The following DHX29 variants were observed in gnomAD, a reference collection of about 807,000 sequenced individuals.
DHX29 encodes DExH-box helicase 29.
A neutral mutation model predicts 167.9 loss-of-function variants in DHX29; 79 were observed. The observed-to-expected ratio is 0.47, with a 90% CI of 0.39 to 0.57. The LOEUF (loss-of-function observed/expected upper bound fraction) is 0.57, where lower values mean the gene tolerates loss of function less well. Among genes scored for constraint, DHX29 ranks in the 20% least tolerant of loss-of-function variants. DHX29 has a pLI of 0.00. For synonymous variants in DHX29, 530 were observed against 546.0 expected (o/e 0.97, Z 0.41); for missense variants, 1,347 against 1,593.4 (o/e 0.85, Z 2.63).
intron 14 of DHX29, 60 bp downstream of exon 14, chr5:55,276,206 T>C (rs775529744): frequency 1.4e-6 from 2 of 1,381,824 alleles, no homozygotes; most frequent in Non-Finnish European, 1.9e-6. Context: ...TTGAAACTCT[T>C]GTGGCAGGTT....
intron 5 of DHX29, among the ~76,000 whole-genome samples, chr5:55,294,623 C>T (rs893253221): frequency 1.3e-5 from 2 of 152,106 alleles, no homozygotes; most frequent in African/African-American, 2.4e-5. Flanking sequence ...TGCAGTGAGC[C>T]GAGTGAGTGC....
chr5:55,305,505 G>A (rs748202117), intron 1 of DHX29, among the ~76,000 whole-genome samples: 1 of 152,216 alleles, frequency 6.6e-6, no homozygotes, highest in Non-Finnish European at 1.5e-5. Flanking sequence ...AGTCAGTGAG[G>A]ATGCCATGGA....
intron 22 of DHX29, 68 bp downstream of exon 22, chr5:55,267,618 G>T (rs185772146): frequency 7.2e-7 from 1 of 1,385,124 alleles, no homozygotes; most frequent in African/African-American, 1.5e-5. Flanking sequence ...TAAGTCAAAG[G>T]TAATATATTT....
intron 7 of DHX29, 98 bp from the exon 8 acceptor site, chr5:55,289,526 A>G (rs1747927731): frequency 3.3e-6 from 3 of 912,654 alleles, no homozygotes; most frequent in Non-Finnish European, 4.6e-6. Context: ...CAAGAGTTTC[A>G]TGGTTTTCAT....
intron 1 of DHX29, among the ~76,000 whole-genome samples, chr5:55,300,782 C>T (rs751425845): frequency 6.6e-6 from 1 of 152,120 alleles, no homozygotes; most frequent in Non-Finnish European, 1.5e-5. Context: ...AAATAATATC[C>T]GTTTTTGCAA....
chr5:55,307,442 C>T lies in DHX29; in HGVS notation c.132G>A (p.Arg44=). The change falls in exon 1 of 27, where the codon AGG becomes AGA. Residue 44 remains arginine, a synonymous_variant. Transcript: ENST00000251636. ...CAGCGGCAGCGGCAGCGGTGGCCGG[C>T]CTGGACACTGGCTTCTTGCTTTGGG... The part of the protein sequence containing the change: ...GEAQSKKPVS[R]PATAAAAAAG... 1 of 1,613,212 alleles carries T rather than the reference C, an allele frequency of 6.2e-7. No individual in the cohort carries two copies. Among genetic ancestry groups the T allele is most frequent in the East Asian group, 2.2e-5 (1 of 44,874 alleles).
chr5:55,301,492 T>A (rs528448088), intron 1 of DHX29, among the ~76,000 whole-genome samples: 3 of 152,136 alleles, frequency 2.0e-5, no homozygotes, highest in Non-Finnish European at 2.9e-5. Context: ...GGCAGGTGGA[T>A]CACCTGAGGT....
intron 16 of DHX29, among the ~76,000 whole-genome samples, chr5:55,273,926 A>C (rs934296347): frequency 2.0e-5 from 3 of 152,134 alleles, no homozygotes; most frequent in Admixed American, 6.6e-5. Context: ...ATCTCTACTA[A>C]AAATATAAAA....
chr5:55,297,798 T>C (rs1036637890), intron 2 of DHX29, among the ~76,000 whole-genome samples: 3 of 152,100 alleles, frequency 2.0e-5, no homozygotes, highest in African/African-American at 7.2e-5. Context: ...TAAAAACGGG[T>C]ATAACAAGTA....
intron 2 of DHX29, among the ~76,000 whole-genome samples, 173 bp from the exon 3 acceptor site, chr5:55,297,571 C>A (rs1459959128): frequency 6.6e-6 from 1 of 152,118 alleles, no homozygotes; most frequent in Non-Finnish European, 1.5e-5. Context: ...CCTATCATTT[C>A]TTTAAGAAAA....
chr5:55,285,808 A>T lies in DHX29; in HGVS notation c.1120T>A (p.Trp374Arg). Residue 374 changes from tryptophan to arginine, a missense_variant, in exon 9 of 27, where the codon TGG becomes AGG. Physicochemically the swap from Trp to Arg is moderately radical, Grantham distance 101. Coordinates refer to ENST00000251636, the MANE Select transcript of DHX29 (RefSeq NM_019030.4). ...AATTGTTTGGGAGATTTTCCAGTCC[A>T]ACTTCGAGCAGTATAGTCAAAATTT... ...VRNFDYTARS[W>R]TGKSPKQFLI... 1.9e-6 allele frequency: 3 copies of T among 1,603,344 alleles called. No homozygotes were observed. Among genetic ancestry groups the T allele is most frequent in the Non-Finnish European group, 2.6e-6 (3 of 1,172,320 alleles).
At chr5:55,290,159 G>C in intron 7 of DHX29, 59 bp downstream of exon 7, 1 of 1,555,584 alleles carries the variant, frequency 6.4e-7, no homozygotes, top group Non-Finnish European at 8.7e-7. Flanking sequence ...TCCATCCCAG[G>C]AAGGCCAACA....
At chr5:55,270,761 GA>G (rs1400529694) in intron 18 of DHX29, 55 bp from the exon 19 acceptor site, 6 of 1,430,872 alleles carry the variant, frequency 4.2e-6, no homozygotes, top group African/African-American at 1.4e-5. Context: ...GTCAAAATTG[GA>G]AAAAGCTGGA....
chr5:55,302,815 C>T (rs975874696), intron 1 of DHX29, among the ~76,000 whole-genome samples: 1 of 152,046 alleles, frequency 6.6e-6, no homozygotes, highest in Admixed American at 6.5e-5. Context: ...ATTCACTGGG[C>T]CACGTTCACT....
At chr5:55,297,787 C>T (rs1302940496) in intron 2 of DHX29, among the ~76,000 whole-genome samples, 3 of 152,274 alleles carry the variant, frequency 2.0e-5, no homozygotes, top group Non-Finnish European at 4.4e-5. Flanking sequence ...GAACACTATA[C>T]TAAAAACGGG....
At chr5:55,260,087 A>G (rs1219028180) in intron 25 of DHX29, 143 bp from the exon 26 acceptor site, 12 of 494,754 alleles carry the variant, frequency 2.4e-5, no homozygotes, top group Non-Finnish European at 3.7e-5. Flanking sequence ...AATACAAATT[A>G]TTTCTGCTAG....
Position 55,307,378 on chromosome 5 carries a change from C to G in DHX29, c.187+9G>C. 6.2e-7 allele frequency: 1 copy of G among 1,611,446 alleles called. No homozygotes were observed. Among genetic ancestry groups the G allele is most frequent in the Non-Finnish European group, 8.5e-7 (1 of 1,178,718 alleles). ...GGCAGACAGCCAGGGGCTGGGGGAC[C>G]TCTCGTACCTTGCTTGACACGGGGC... is the stretch of plus-strand genomic sequence containing the variant. On this transcript the variant is annotated intron_variant, in intron 1 of 26. Transcript: ENST00000251636.
At chr5:55,289,755 C>A (rs1218375039) in intron 7 of DHX29, among the ~76,000 whole-genome samples, 1 of 152,156 alleles carries the variant, frequency 6.6e-6, no homozygotes, top group Non-Finnish European at 1.5e-5. Flanking sequence ...ATTGTATTCA[C>A]CTTTCTCTCT....
chr5:55,290,297 T>C lies in DHX29; in HGVS notation c.828A>G (p.Glu276=). 1.2e-6 allele frequency: 2 copies of C among 1,612,454 alleles called. No homozygotes were observed. The highest frequency in any genetic ancestry group is 1.7e-6 in the Non-Finnish European group (2 of 1,179,738). The change falls in exon 7 of 27, where the codon GAA becomes GAG. Residue 276 remains glutamate, a synonymous_variant. Transcript: ENST00000251636. ...TTTCTAGTTTAAAGGTAGCTGCTTG[T>C]TCTTTTGCATCCAGCAGTTTTGCTG... is the stretch of plus-strand genomic sequence containing the variant. ...HLAAKLLDAK[E]QAATFKLEKN... is the part of the protein sequence containing the mutation.
Sources: allele counts gnomAD v4.1 joint callset (sites outside exome capture counted in the v4.1 genomes callset), GRCh38; gene constraint gnomAD v4.1.1; transcripts MANE v1.5; gene names NCBI Gene and HGNC (gene_info 2026-07-23, HGNC 2026-07-21).